Variants in CDC16 observed in about 807,000 individuals in gnomAD.
CDC16 encodes the protein cell division cycle protein 16 homolog.
A neutral mutation model predicts 87.0 loss-of-function variants in CDC16; 34 were observed. The ratio of observed to expected loss-of-function variants is 0.39; its 90% CI spans 0.30 to 0.52. CDC16 has a LOEUF of 0.52. Among genes scored for constraint, CDC16 ranks in the 20% least tolerant of loss-of-function variants. The pLI is 0.74. For synonymous variants in CDC16, 263 were observed against 260.6 expected, an observed-to-expected ratio of 1.01 and a Z score of -0.09; for missense variants, 653 against 751.9, an observed-to-expected ratio of 0.87 and a Z score of 1.54.
At chr13:114,264,923 A>G in intron 16 of CDC16, 3 of 438,306 alleles carry the variant, frequency 6.8e-6, no homozygotes, top group Non-Finnish European at 1.3e-5. Context: ...AGAACTTTTT[A>G]AAAAATCTTT....
Position 114,242,150 on chromosome 13 carries a change from G to A in CDC16, c.411G>A (p.Gly137=). The A allele has an allele frequency of 1.2e-6, 2 of 1,611,512 alleles. No homozygotes were observed. The highest frequency in any genetic ancestry group is 2.2e-5 in the East Asian group (1 of 44,880). Residue 137 remains glycine, a synonymous_variant, in exon 6 of 18, where the codon GGG becomes GGA. Coordinates refer to ENST00000356221, the MANE Select transcript of CDC16 (RefSeq NM_001078645.3). The stretch of plus-strand genomic sequence containing the variant: ...AGAGTTCTATCTGTCTTCTACGCGG[G>A]AAAATCTATGATGCTCTAGATAACC... ...SIKSSICLLR[G]KIYDALDNRT... is the part of the protein sequence containing the mutation.
At chr13:114,249,012 C>T (rs117412765) in intron 11 of CDC16, among the ~76,000 whole-genome samples, 2 of 152,022 alleles carry the variant, frequency 1.3e-5, no homozygotes, top group Non-Finnish European at 2.9e-5. Flanking sequence ...AAGCGCATTA[C>T]ATTTATCGTG....
intron 11 of CDC16, among the ~76,000 whole-genome samples, chr13:114,248,260 C>T (rs948058587): frequency 6.6e-6 from 1 of 152,204 alleles, no homozygotes; most frequent in Non-Finnish European, 1.5e-5. Flanking sequence ...GCAAATAAAA[C>T]AGAATTGGTC....
At chr13:114,253,207 T>C (rs900375722) in intron 12 of CDC16, among the ~76,000 whole-genome samples, 2 of 152,254 alleles carry the variant, frequency 1.3e-5, no homozygotes, top group African/African-American at 4.8e-5. Flanking sequence ...GGATAAATGT[T>C]TGAAATTGGA....
intron 9 of CDC16, 88 bp from the exon 10 acceptor site, chr13:114,245,912 T>TA (rs2081842366): frequency 1.4e-6 from 1 of 722,180 alleles, no homozygotes; most frequent in African/African-American, 1.8e-5. Context: ...AGAGCAGAAT[T>TA]ATATGATTGT....
intron 12 of CDC16, among the ~76,000 whole-genome samples, chr13:114,255,393 C>G (rs1209347238): frequency 2.0e-5 from 3 of 152,132 alleles, no homozygotes; most frequent in Non-Finnish European, 4.4e-5. Context: ...TCCTATTACA[C>G]TGTTACTGGT....
rs2139255263 is a variant in CDC16, at chr13:114,272,567, C to T, written c.*124C>T. On this transcript the variant is annotated 3_prime_UTR_variant, in exon 18 of 18. Transcript: ENST00000356221. ...CAAACTGCATCTCTACATTTAGGAA[C>T]AGAGACCCGCCTTAAGAGACTGGAT... 1 of 759,194 alleles carries T rather than the reference C, an allele frequency of 1.3e-6. No individual in the cohort carries two copies. The highest frequency in any genetic ancestry group is 2.1e-6 in the Non-Finnish European group (1 of 477,694). 47.0% of individuals were successfully genotyped at this position (759,194 alleles called of 1,614,324 possible).
intron 17 of CDC16, among the ~76,000 whole-genome samples, chr13:114,270,107 C>G (rs1466899362): frequency 6.6e-6 from 1 of 152,150 alleles, no homozygotes; most frequent in Non-Finnish European, 1.5e-5. Flanking sequence ...TAAAGAAATA[C>G]CTGAGCCTGG....
chr13:114,235,792 C>T (rs2081220406), intron 1 of CDC16, among the ~76,000 whole-genome samples: 1 of 152,156 alleles, frequency 6.6e-6, no homozygotes, highest in South Asian at 2.1e-4. Flanking sequence ...ACTGACGTGG[C>T]CAAATGTTTG....
chr13:114,272,523 C>G lies in CDC16; in HGVS notation c.*80C>G. Reference sequence around the variant, plus strand: ...ATCCTCTCCATGGCTTAAGAATGTCCCACTTCCTAACGTGACTCCAAACTG... The same window carrying G: ...ATCCTCTCCATGGCTTAAGAATGTCGCACTTCCTAACGTGACTCCAAACTG... On this transcript the variant is annotated 3_prime_UTR_variant, in exon 18 of 18. Transcript: ENST00000356221. 7.8e-7 allele frequency: 1 copy of G among 1,288,648 alleles called. No individual in the cohort carries two copies. Among genetic ancestry groups the G allele is most frequent in the South Asian group, 1.4e-5 (1 of 70,186 alleles). The allele number at this position is 1,288,648 out of a possible 1,614,324, so 79.8% of individuals were successfully genotyped here. A position where few individuals can be genotyped will look rare whatever the true frequency, so the allele number is the denominator to read the frequency against.
chr13:114,271,265 G>A (rs907809842), intron 17 of CDC16, among the ~76,000 whole-genome samples: 1 of 152,048 alleles, frequency 6.6e-6, no homozygotes, highest in African/African-American at 2.4e-5. Context: ...AAGTTTGCAT[G>A]TCATTATCTG....
At position 114,272,558 on chromosome 13, in the gene CDC16, AT is replaced by A; in HGVS notation, c.*118del. The A allele has an allele frequency of 1.2e-6, 1 of 860,478 alleles. No homozygotes were observed. Among genetic ancestry groups the A allele is most frequent in the Non-Finnish European group, 1.8e-6 (1 of 564,698 alleles). The allele number at this position is 860,478 out of a possible 1,614,324, so 53.3% of individuals were successfully genotyped here. A position where few individuals can be genotyped will look rare whatever the true frequency, so the allele number is the denominator to read the frequency against. On this transcript the variant is annotated 3_prime_UTR_variant, in exon 18 of 18. Transcript: ENST00000356221. ...ACGTGACTCCAAACTGCATCTCTAC[AT>A]TTAGGAACAGAGACCCGCCTTAAGA...
chr13:114,235,270 C>T (rs1050038656), intron 1 of CDC16, 138 bp downstream of exon 1: 9 of 552,700 alleles, frequency 1.6e-5, no homozygotes, highest in Admixed American at 1.3e-4. Context: ...CTGGGGCCAG[C>T]AGCGCTGTCT....
Position 114,236,880 on chromosome 13 carries a change from C to T in CDC16, c.185C>T (p.Ser62Leu). Residue 62 changes from serine to leucine, a missense_variant, in exon 3 of 18, where the codon TCA becomes TTA. Physicochemically the swap from Ser to Leu is moderately radical, Grantham distance 145. Coordinates refer to ENST00000356221, the MANE Select transcript of CDC16 (RefSeq NM_001078645.3). The part of the protein sequence containing the change: ...QYHRAAHALR[S>L]RKLDKLYEAC... ...CACAGAGCCGCCCATGCACTTCGGT[C>T]ACGAAAACTGGACAAAGTAAGTGAT... 6.3e-7 allele frequency: 1 copy of T among 1,590,032 alleles called. No homozygotes were observed. Among genetic ancestry groups the T allele is most frequent in the Non-Finnish European group, 8.5e-7 (1 of 1,172,000 alleles).
intron 17 of CDC16, among the ~76,000 whole-genome samples, chr13:114,266,567 C>A (rs1360255349): frequency 6.6e-6 from 1 of 152,232 alleles, no homozygotes; most frequent in Non-Finnish European, 1.5e-5. Context: ...CATGGCACAC[C>A]TAGCAAACAG....
chr13:114,255,155 T>A (rs1430425676), intron 12 of CDC16, among the ~76,000 whole-genome samples: 1 of 152,368 alleles, frequency 6.6e-6, no homozygotes, highest in East Asian at 1.9e-4. Context: ...CCCTTTAGTA[T>A]TTCTTACTGG....
chr13:114,251,529 G>C (rs1393076447), intron 12 of CDC16, among the ~76,000 whole-genome samples: 1 of 152,144 alleles, frequency 6.6e-6, no homozygotes, highest in African/African-American at 2.4e-5. Flanking sequence ...CATCCTGTTA[G>C]GTTTGGTCTC....
intron 17 of CDC16, among the ~76,000 whole-genome samples, chr13:114,268,299 C>G (rs1408457864): frequency 6.6e-6 from 1 of 152,200 alleles, no homozygotes; most frequent in Non-Finnish European, 1.5e-5. Context: ...AAATATGTTA[C>G]TGGTGTGGAA....
chr13:114,255,264 TATATC>T (rs1298998874), intron 12 of CDC16, among the ~76,000 whole-genome samples: 3 of 152,228 alleles, frequency 2.0e-5, no homozygotes, highest in African/African-American at 4.8e-5. Flanking sequence ...TGTATATACT[TATATC>T]ATTTGTTATA....
Sources: allele counts gnomAD v4.1 joint callset (sites outside exome capture counted in the v4.1 genomes callset), GRCh38; gene constraint gnomAD v4.1.1; transcripts MANE v1.5; gene names NCBI Gene and HGNC (gene_info 2026-07-23, HGNC 2026-07-21).